Variants in CLYBL observed in about 807,000 individuals in gnomAD.
The protein encoded by CLYBL is citramalyl-CoA lyase.
Under a neutral mutation model 38.9 loss-of-function variants are expected in CLYBL, and 31 were observed. The ratio of observed to expected loss-of-function variants is 0.80; its 90% CI spans 0.60 to 1.08. The LOEUF is 1.08. Among genes scored for constraint, CLYBL ranks in the 50% least tolerant of loss-of-function variants. The pLI is 0.00. For synonymous variants in CLYBL, 171 were observed against 158.6 expected, an observed-to-expected ratio of 1.08 and a Z score of -0.59; for missense variants, 434 against 411.6, an observed-to-expected ratio of 1.05 and a Z score of -0.47.
Position 99,623,988 on chromosome 13 carries a change from T to C in CLYBL, c.62+17231T>C, listed in dbSNP as rs930159244. ...AAAAAAAAAAAAAAAGATGAGATGA[T>C]GCATTGAATGCTAGGTATGGCGTGT... On this transcript the variant is annotated intron_variant, in intron 1 of 8. Coordinates refer to ENST00000339105, the MANE Select transcript of CLYBL (RefSeq NM_206808.5). Among the ~76,000 whole-genome samples, 44 of 148,404 alleles carry C rather than the reference T, an allele frequency of 3.0e-4. 1 individual carries two copies. Among genetic ancestry groups the C allele is most frequent in the Admixed American group, 2.8e-3 (41 of 14,884 alleles).
intron 2 of CLYBL, among the ~76,000 whole-genome samples, chr13:99,797,316 A>G (rs1364303177): frequency 2.6e-5 from 4 of 152,138 alleles, no homozygotes; most frequent in African/African-American, 2.4e-5. Context: ...AAGATTTAAG[A>G]TCTTATAGTA....
At chr13:99,908,958 A>G (rs560242117) in exon 10 of CLYBL, among the ~76,000 whole-genome samples, 93 of 152,362 alleles carry the variant, frequency 6.1e-4, no homozygotes, top group African/African-American at 2.1e-3. Context: ...CCACAAGCCC[A>G]TGCTAGTGAG....
chr13:99,731,803 T>A (rs1271660466), intron 1 of CLYBL, among the ~76,000 whole-genome samples: 1 of 152,080 alleles, frequency 6.6e-6, no homozygotes, highest in Non-Finnish European at 1.5e-5. Context: ...TTAACCTCTT[T>A]GTTTCTAGCC....
Position 99,817,669 on chromosome 13 carries a change from A to G in CLYBL, c.250-41192A>G, listed in dbSNP as rs1163455212. On this transcript the variant is annotated intron_variant, in intron 2 of 8. Coordinates refer to ENST00000339105, the MANE Select transcript of CLYBL (RefSeq NM_206808.5). ...GACTCTGTCTCAAAAAAAAAAAAAAAAAAAGAAAAGAAAAAAGAAAAGCAC... is the reference window on the plus strand; with the variant it reads ...GACTCTGTCTCAAAAAAAAAAAAAAGAAAAGAAAAGAAAAAAGAAAAGCAC... Among the ~76,000 whole-genome samples, 142 of 147,844 alleles carry G rather than the reference A, an allele frequency of 9.6e-4. 2 individuals are homozygous for G. Among genetic ancestry groups the G allele is most frequent in the South Asian group, 3.0e-3 (14 of 4,652 alleles).
At chr13:99,634,125 GA>G (rs1213205644) in intron 1 of CLYBL, among the ~76,000 whole-genome samples, 4 of 151,990 alleles carry the variant, frequency 2.6e-5, no homozygotes, top group South Asian at 2.1e-4. Flanking sequence ...AGCTGCCTGA[GA>G]AAAAAAGAAG....
chr13:99,757,019 C>G (rs1366354666), intron 1 of CLYBL, among the ~76,000 whole-genome samples: 1 of 152,022 alleles, frequency 6.6e-6, no homozygotes, highest in Non-Finnish European at 1.5e-5. Context: ...ACCTCAGCCT[C>G]AGGAGTAGTG....
intron 1 of CLYBL, among the ~76,000 whole-genome samples, chr13:99,744,431 A>C (rs879745013): frequency 6.6e-6 from 1 of 152,206 alleles, no homozygotes; most frequent in East Asian, 1.9e-4. Context: ...TACCATACAG[A>C]GACCTGGCAG....
chr13:99,632,647 A>C (rs1462023743), intron 1 of CLYBL, among the ~76,000 whole-genome samples: 1 of 152,212 alleles, frequency 6.6e-6, no homozygotes, highest in Admixed American at 6.5e-5. Flanking sequence ...CAAGAGGCTG[A>C]GGCAAGAGAA....
chr13:99,728,059 C>T (rs949768083), intron 1 of CLYBL, among the ~76,000 whole-genome samples: 6 of 151,992 alleles, frequency 3.9e-5, no homozygotes, highest in Non-Finnish European at 7.4e-5. Context: ...GCCTGGGCAA[C>T]AGAGCAAAAC....
intron 2 of CLYBL, among the ~76,000 whole-genome samples, chr13:99,843,743 A>G (rs935106023): frequency 2.9e-4 from 44 of 152,028 alleles, no homozygotes; most frequent in African/African-American, 8.7e-4. Flanking sequence ...CTGAGATTAC[A>G]GGCGTGCGCC....
chr13:99,705,087 A>G (rs1215144239), intron 1 of CLYBL, among the ~76,000 whole-genome samples: 1 of 152,218 alleles, frequency 6.6e-6, no homozygotes, highest in African/African-American at 2.4e-5. Context: ...CCAAGCATAT[A>G]CCGAAAAGTG....
intron 2 of CLYBL, among the ~76,000 whole-genome samples, chr13:99,858,268 G>A (rs1407715258): frequency 6.6e-6 from 1 of 152,150 alleles, no homozygotes; most frequent in Non-Finnish European, 1.5e-5. Flanking sequence ...CTGAAGAAGT[G>A]GGAGCTTTTC....
intron 2 of CLYBL, among the ~76,000 whole-genome samples, chr13:99,778,354 C>G (rs1166368399): frequency 6.6e-6 from 1 of 152,062 alleles, no homozygotes; most frequent in Non-Finnish European, 1.5e-5. Context: ...TTCAGATTAT[C>G]TAGTTAGAGT....
At chr13:99,681,553 G>A (rs2047734403) in intron 1 of CLYBL, among the ~76,000 whole-genome samples, 1 of 152,132 alleles carries the variant, frequency 6.6e-6, no homozygotes, top group Non-Finnish European at 1.5e-5. Flanking sequence ...ACTGGGTAAG[G>A]AGAATTCAGG....
chr13:99,885,918 T>C (rs2052338516), intron 7 of CLYBL, among the ~76,000 whole-genome samples: 1 of 152,184 alleles, frequency 6.6e-6, no homozygotes, highest in African/African-American at 2.4e-5. Context: ...CTGAGAGATT[T>C]AGCAAGTGGA....
chr13:99,620,976 C>A (rs945203776), intron 1 of CLYBL, among the ~76,000 whole-genome samples: 1 of 152,158 alleles, frequency 6.6e-6, no homozygotes, highest in East Asian at 1.9e-4. Context: ...TCTGCCACCC[C>A]TCATGTTCTC....
chr13:99,900,991 C>T (rs2052635669), downstream of CLYBL, among the ~76,000 whole-genome samples: 1 of 152,242 alleles, frequency 6.6e-6, no homozygotes, highest in African/African-American at 2.4e-5. Context: ...ACCTGCCTCC[C>T]AGACTCAACA....
chr13:99,751,962 C>T (rs936238001), intron 1 of CLYBL, among the ~76,000 whole-genome samples: 20 of 152,176 alleles, frequency 1.3e-4, no homozygotes, highest in African/African-American at 4.6e-4. Flanking sequence ...CTGTTCAAAT[C>T]AGGAAGTTAT....
intron 1 of CLYBL, among the ~76,000 whole-genome samples, chr13:99,698,473 G>C (rs1274156843): frequency 1.3e-5 from 2 of 152,110 alleles, no homozygotes; most frequent in Admixed American, 6.6e-5. Flanking sequence ...CAAAGTCGTA[G>C]GTTAAATGAT....
Sources: gnomAD v4.1 joint callset for allele counts (sites outside exome capture counted in the v4.1 genomes callset) on GRCh38, gnomAD v4.1.1 for gene constraint, MANE v1.5 for transcripts, NCBI Gene and HGNC (gene_info 2026-07-23, HGNC 2026-07-21) for gene names.